Variants in CCM2L observed in about 807,000 individuals in gnomAD.
The protein encoded by CCM2L is CCM2 like scaffold protein.
Under a neutral mutation model 54.1 loss-of-function variants are expected in CCM2L, and 36 were observed. That is an observed-to-expected ratio of 0.67 (90% confidence interval 0.51 to 0.88). The LOEUF (loss-of-function observed/expected upper bound fraction) is 0.88. Ranked by LOEUF, CCM2L falls within the 40% of genes least tolerant of loss-of-function variation. The pLI is 0.00. For synonymous variants in CCM2L, 351 were observed against 359.3 expected (o/e 0.98, Z 0.26); for missense variants, 700 against 812.1 (o/e 0.86, Z 1.68).
chr20:32,012,421 T>G (rs564054932), intron 1 of CCM2L, among the ~76,000 whole-genome samples: 27 of 152,158 alleles, frequency 1.8e-4, no homozygotes, highest in Non-Finnish European at 2.8e-4. Context: ...CTAGGTGTGG[T>G]GGTGGTGCAT....
intron 6 of CCM2L, 148 bp downstream of exon 6, chr20:32,022,943 A>C: frequency 1.1e-6 from 1 of 873,360 alleles, no homozygotes; most frequent in South Asian, 2.0e-5. Flanking sequence ...TTGTAGGTGA[A>C]ATGTCAATTT....
chr20:32,018,183 G>A (rs747144614), intron 4 of CCM2L, 21 bp downstream of exon 4: 4 of 771,922 alleles, frequency 5.2e-6, no homozygotes. Flanking sequence ...AGGGGGCGGG[G>A]GCGGGGGAGG....
intron 4 of CCM2L, among the ~76,000 whole-genome samples, chr20:32,018,374 GGGCCTGAGGTTGAGGATGAAGGTGGGT>G (rs1230296092): frequency 6.6e-6 from 1 of 152,200 alleles, no homozygotes; most frequent in African/African-American, 2.4e-5. Context: ...AAAGCAGACA[GGGCCTGAGGTTGAGGATGAAGGTGGGT>G]GGCCTGAGCC....
chr20:32,017,819 G>C lies in CCM2L; in HGVS notation c.218G>C (p.Trp73Ser), dbSNP rs2064752864. 5 of 1,614,076 alleles carry C rather than the reference G, an allele frequency of 3.1e-6. No individual in the cohort carries two copies. Among genetic ancestry groups the C allele is most frequent in the Non-Finnish European group, 2.5e-6 (3 of 1,180,016 alleles). Residue 73 changes from tryptophan (W) to serine (S), a missense_variant, in exon 3 of 10, where the codon TGG becomes TCG. Transcript: ENST00000452892. ...KEVKFLGHLT[W>S]VTSSLNPSSR... ...ATCCAGTTCCTGGGCCACCTTACCT[G>C]GGTGACTTCCTCACTGAACCCCTCC... is the stretch of plus-strand genomic sequence containing the variant.
chr20:32,024,203 G>C (rs1440839378), intron 6 of CCM2L, among the ~76,000 whole-genome samples: 3 of 152,156 alleles, frequency 2.0e-5, no homozygotes, highest in Non-Finnish European at 4.4e-5. Context: ...GCCAGTGGGT[G>C]AATTCCCCAG....
In CCM2L at chr20:32,019,123, C is replaced by T; in HGVS notation, c.647C>T (p.Ala216Val). Residue 216 changes from alanine to valine, a missense_variant, in exon 5 of 10, where the codon GCC becomes GTC. Physicochemically the swap from Ala to Val is moderately conservative, Grantham distance 64. Coordinates refer to ENST00000452892, the MANE Select transcript of CCM2L (RefSeq NM_001365692.1). The part of the protein sequence containing the change: ...GWGGGAAEAR[A>V]GGGGGGSLER... ...GGTGGGGGCGCCGCGGAGGCCCGGG[C>T]CGGGGGAGGCGGCGGCGGCAGCTTG... The T allele has an allele frequency of 8.7e-7, 1 of 1,153,002 alleles. No individual in the cohort carries two copies. Among genetic ancestry groups the T allele is most frequent in the Non-Finnish European group, 1.1e-6 (1 of 936,494 alleles). The allele number at this position is 1,153,002 out of a possible 1,614,324, so 71.4% of individuals were successfully genotyped here.
At chr20:32,018,241 G>A (rs2064760952) in intron 4 of CCM2L, 79 bp downstream of exon 4, 1 of 293,362 alleles carries the variant, frequency 3.4e-6, no homozygotes, top group Admixed American at 4.9e-5. Context: ...CGGGGCAGGG[G>A]CAGGGGCAGG....
chr20:32,018,260 G>A (rs2064761398), intron 4 of CCM2L, 98 bp downstream of exon 4: 2 of 892,660 alleles, frequency 2.2e-6, no homozygotes, highest in Non-Finnish European at 3.2e-6. Context: ...GGGGCCGGAG[G>A]TGTGCGGATG....
At position 32,031,347 on chromosome 20, in the gene CCM2L, C is replaced by A. The variant is rs2064925590; in HGVS notation, c.*33C>A. 1.6e-6 allele frequency: 2 copies of A among 1,244,278 alleles called. No individual in the cohort carries two copies. Among genetic ancestry groups the A allele is most frequent in the South Asian group, 2.6e-5 (2 of 76,242 alleles). The allele number at this position is 1,244,278 out of a possible 1,614,324, so 77.1% of individuals were successfully genotyped here. On this transcript the variant is annotated 3_prime_UTR_variant, in exon 10 of 10. Transcript: ENST00000452892. ...CCCTGCGGACGGCGTGGCTCAGCAG[C>A]CCACCTCTGAGTCTCAGCTTTGCTT...
chr20:32,031,176 G>A lies in CCM2L; in HGVS notation c.1578G>A (p.Glu526=). The change falls in exon 10 of 10, where the codon GAG becomes GAA. Residue 526 remains glutamate, a synonymous_variant. Transcript: ENST00000452892. ...ACGATGGCGCGGCGCAGCGGCCCGA[G>A]GCACAGGCCTTCCACCGGCTGCTGG... ...RSYDGAAQRP[E]AQAFHRLLAD... is the part of the protein sequence containing the mutation. The A allele has an allele frequency of 7.7e-7, 1 of 1,302,290 alleles. No individual in the cohort carries two copies. Among genetic ancestry groups the A allele is most frequent in the Non-Finnish European group, 1.0e-6 (1 of 988,480 alleles). The allele number at this position is 1,302,290 out of a possible 1,614,324, so 80.7% of individuals were successfully genotyped here.
At chr20:32,016,754 A>C (rs1238620958) in intron 2 of CCM2L, among the ~76,000 whole-genome samples, 1 of 152,254 alleles carries the variant, frequency 6.6e-6, no homozygotes, top group Non-Finnish European at 1.5e-5. Flanking sequence ...CTAACAAATA[A>C]ATCTGCTTAA....
At chr20:32,028,951 AG>A in intron 7 of CCM2L, 43 bp from the exon 8 acceptor site, 1 of 1,611,050 alleles carries the variant, frequency 6.2e-7, no homozygotes, top group South Asian at 1.1e-5. Context: ...GAGGGCCAGG[AG>A]CTGGAGGGAG....
chr20:32,016,595 G>A (rs898260698), intron 2 of CCM2L, among the ~76,000 whole-genome samples: 2 of 152,072 alleles, frequency 1.3e-5, no homozygotes, highest in Non-Finnish European at 2.9e-5. Context: ...GGCAGAGGCT[G>A]CGGTGAGCCG....
chr20:32,029,207 G>A (rs2064895505), intron 8 of CCM2L, 83 bp downstream of exon 8: 1 of 1,572,452 alleles, frequency 6.4e-7, no homozygotes, highest in Non-Finnish European at 8.7e-7. Flanking sequence ...ACATTGCCCT[G>A]GACATAACCT....
chr20:32,012,269 C>T (rs2122308632), intron 1 of CCM2L, among the ~76,000 whole-genome samples: 1 of 152,174 alleles, frequency 6.6e-6, no homozygotes, highest in South Asian at 2.1e-4. Flanking sequence ...CAAGAAATTG[C>T]ATTTCTGGCC....
In CCM2L at chr20:32,031,212, G is replaced by A. The variant is rs1282298430; in HGVS notation, c.1614G>A (p.Thr538=). 1 of 1,300,924 alleles carries A rather than the reference G, an allele frequency of 7.7e-7. No individual in the cohort carries two copies. The allele number at this position is 1,300,924 out of a possible 1,614,324, so 80.6% of individuals were successfully genotyped here. A position where few individuals can be genotyped will look rare whatever the true frequency, so the allele number is the denominator to read the frequency against. Residue 538 remains threonine, a synonymous_variant, in exon 10 of 10, where the codon ACG becomes ACA. Transcript: ENST00000452892. ...QAFHRLLADI[T]HDIEALAPDD... is the part of the protein sequence containing the mutation. ...TCCACCGGCTGCTGGCTGACATCAC[G>A]CACGACATCGAGGCGCTGGCCCCCG...
chr20:32,015,859 C>CTTTTTTTTTTTTTTTTTTTTT (rs199989562), intron 2 of CCM2L, among the ~76,000 whole-genome samples: 5 of 127,882 alleles, frequency 3.9e-5, no homozygotes, highest in African/African-American at 6.4e-5. Flanking sequence ...AGCTGTACTT[C>CTTTTTTTTTTTTTTTTTTTTT]TTTTTTTTTT....
chr20:32,024,963 A>G (rs777496849), intron 6 of CCM2L, among the ~76,000 whole-genome samples: 2 of 152,378 alleles, frequency 1.3e-5, no homozygotes, highest in South Asian at 4.1e-4. Flanking sequence ...AGACAACAGG[A>G]CTAGGAAGAG....
intron 5 of CCM2L, among the ~76,000 whole-genome samples, chr20:32,021,760 A>G (rs2064809001): frequency 6.6e-6 from 1 of 152,186 alleles, no homozygotes; most frequent in African/African-American, 2.4e-5. Context: ...TGCTGGTACT[A>G]ATGCCATGAA....
Sources: gnomAD v4.1 joint callset for allele counts (sites outside exome capture counted in the v4.1 genomes callset) on GRCh38, gnomAD v4.1.1 for gene constraint, MANE v1.5 for transcripts, NCBI Gene and HGNC (gene_info 2026-07-23, HGNC 2026-07-21) for gene names.